The following CCSER1 variants were observed in gnomAD, a reference collection of about 807,000 sequenced individuals.
CCSER1 encodes coiled-coil serine rich protein 1, also known as serine-rich coiled-coil domain-containing protein 1.
In CCSER1, 41 loss-of-function variants were observed where a neutral mutation model predicts 82.0. The ratio of observed to expected loss-of-function variants is 0.50; its 90% CI spans 0.39 to 0.65. The LOEUF (loss-of-function observed/expected upper bound fraction) is 0.65, where lower values mean the gene tolerates loss of function less well. CCSER1 is among the 30% of genes least tolerant of loss of function. The probability of loss-of-function intolerance (pLI) is 0.00; values close to 1 mark genes in which losing one functional copy is unlikely to be tolerated. For synonymous variants in CCSER1, 414 were observed against 383.9 expected (o/e 1.08, Z -0.92); for missense variants, 1,119 against 1,064.2 (o/e 1.05, Z -0.72).
intron 10 of CCSER1, among the ~76,000 whole-genome samples, chr4:91,392,312 T>C (rs1751700522): frequency 1.3e-5 from 2 of 151,758 alleles, no homozygotes; most frequent in South Asian, 2.1e-4. Flanking sequence ...AACTCTTATA[T>C]TTTCTGGTGT....
intron 8 of CCSER1, among the ~76,000 whole-genome samples, chr4:90,916,052 A>T (rs1345295675): frequency 6.6e-6 from 1 of 152,030 alleles, no homozygotes; most frequent in African/African-American, 2.4e-5. Flanking sequence ...ATGCTCATGG[A>T]TAGGAAGAAT....
chr4:90,806,180 C>A (rs571075003), intron 7 of CCSER1, among the ~76,000 whole-genome samples: 1 of 152,236 alleles, frequency 6.6e-6, no homozygotes, highest in African/African-American at 2.4e-5. Context: ...AGCAAAAATT[C>A]ATTTGCAAAG....
chr4:90,306,673 G>T (rs1331467145), intron 1 of CCSER1, among the ~76,000 whole-genome samples: 2 of 152,110 alleles, frequency 1.3e-5, no homozygotes, highest in African/African-American at 4.8e-5. Flanking sequence ...TACTTGATCA[G>T]TTCTCATATT....
At chr4:90,229,410 A>C (rs1465925878) in intron 1 of CCSER1, among the ~76,000 whole-genome samples, 5 of 152,174 alleles carry the variant, frequency 3.3e-5, no homozygotes, top group Non-Finnish European at 4.4e-5. Context: ...CTTTACAGAC[A>C]AGCAAATGCT....
chr4:91,040,043 A>C (rs1390644845), intron 9 of CCSER1, among the ~76,000 whole-genome samples: 1 of 152,144 alleles, frequency 6.6e-6, no homozygotes, highest in Non-Finnish European at 1.5e-5. Context: ...AGCAGGTTGA[A>C]TTTATTAGAG....
intron 6 of CCSER1, chr4:90,649,426 T>A (rs1728307232): frequency 6.6e-6 from 1 of 152,124 alleles, no homozygotes; most frequent in East Asian, 1.9e-4. Context: ...GAGGATGTAA[T>A]AAAGGTTAAA....
At chr4:90,314,932 T>C (rs1735920722) in intron 3 of CCSER1, among the ~76,000 whole-genome samples, 1 of 140,042 alleles carries the variant, frequency 7.1e-6, no homozygotes, top group Admixed American at 7.6e-5. Flanking sequence ...CTGCAACCTC[T>C]ACCTCCCCAG....
intron 5 of CCSER1, among the ~76,000 whole-genome samples, chr4:90,532,741 AG>A (rs1203357837): frequency 2.0e-5 from 3 of 152,212 alleles, no homozygotes; most frequent in African/African-American, 7.2e-5. Context: ...TTACATTTAA[AG>A]GAAATTAGTT....
chr4:90,689,152 A>T (rs998662617), intron 6 of CCSER1, among the ~76,000 whole-genome samples: 11 of 152,160 alleles, frequency 7.2e-5, no homozygotes, highest in African/African-American at 2.7e-4. Context: ...ATGATTTATG[A>T]GTTCAAACTT....
At chr4:91,198,633 G>A (rs1211428096) in intron 10 of CCSER1, among the ~76,000 whole-genome samples, 6 of 152,038 alleles carry the variant, frequency 3.9e-5, no homozygotes, top group Admixed American at 2.6e-4. Context: ...CCATAGGGAT[G>A]AAAAAAGAAA....
At position 91,600,278 on chromosome 4, in the gene CCSER1, G is replaced by A. The variant is rs1256670175; in HGVS notation, c.*1221G>A. 6.6e-6 allele frequency: 1 copy of A among 152,024 alleles called. No homozygotes were observed. The highest frequency in any genetic ancestry group is 1.5e-5 in the Non-Finnish European group (1 of 67,984). The allele number at this position is 152,024 out of a possible 1,614,324, so 9.4% of individuals were successfully genotyped here. A position where few individuals can be genotyped will look rare whatever the true frequency, so the allele number is the denominator to read the frequency against. On this transcript the variant is annotated 3_prime_UTR_variant, in exon 11 of 11. Coordinates refer to ENST00000509176, the MANE Select transcript of CCSER1 (RefSeq NM_001145065.2). ...TAGATCAATATATGAATTGATCTAT[G>A]GATAATTCCATCATGTTCAATTAGT...
chr4:91,174,541 C>T (rs916598990), intron 10 of CCSER1, among the ~76,000 whole-genome samples: 12 of 152,020 alleles, frequency 7.9e-5, no homozygotes, highest in Non-Finnish European at 4.4e-5. Context: ...CTTTGCTGCA[C>T]CCATCAACCC....
intron 10 of CCSER1, among the ~76,000 whole-genome samples, chr4:91,260,169 A>G (rs917472913): frequency 1.3e-5 from 2 of 152,196 alleles, no homozygotes; most frequent in African/African-American, 4.8e-5. Flanking sequence ...AATTTTAATT[A>G]CCTTGGTGAG....
chr4:91,266,620 A>G lies in CCSER1; in HGVS notation c.2217+180626A>G, dbSNP rs189746477. Among the ~76,000 whole-genome samples, 259 of 152,306 alleles carry G rather than the reference A, an allele frequency of 1.7e-3. 2 individuals carry two copies. Among genetic ancestry groups the G allele is most frequent in the African/African-American group, 5.8e-3 (241 of 41,582 alleles). On this transcript the variant is annotated intron_variant, in intron 10 of 10. Transcript: ENST00000509176. ...AGAAAGAGGAAGAGAGGCAGAAGAC[A>G]CTAACTCAAAGAAAAGGGCTTGGTC...
At chr4:91,380,084 T>C (rs377726508) in intron 10 of CCSER1, among the ~76,000 whole-genome samples, 1 of 152,222 alleles carries the variant, frequency 6.6e-6, no homozygotes, top group African/African-American at 2.4e-5. Flanking sequence ...TCCTGAGTTC[T>C]AGTTTGATTG....
intron 1 of CCSER1, among the ~76,000 whole-genome samples, chr4:90,271,829 TA>T (rs1726348959): frequency 2.3e-4 from 4 of 17,342 alleles, no homozygotes; most frequent in Non-Finnish European, 3.9e-4. Context: ...GGACAATTTA[TA>T]TATATATATA....
chr4:90,405,929 G>A (rs1753644436), intron 4 of CCSER1, among the ~76,000 whole-genome samples: 1 of 151,518 alleles, frequency 6.6e-6, no homozygotes, highest in Non-Finnish European at 1.5e-5. Context: ...AAATCTCACT[G>A]AACCTATATA....
chr4:90,284,652 C>A (rs938157539), intron 1 of CCSER1, among the ~76,000 whole-genome samples: 2 of 151,548 alleles, frequency 1.3e-5, no homozygotes, highest in Non-Finnish European at 1.5e-5. Flanking sequence ...TGCCACCATG[C>A]CTGCCTAATT....
chr4:90,545,640 A>AT (rs1560695328), intron 5 of CCSER1, among the ~76,000 whole-genome samples: 1 of 151,980 alleles, frequency 6.6e-6, no homozygotes, highest in Non-Finnish European at 1.5e-5. Flanking sequence ...CCCCTCCCAA[A>AT]TTCACTTTCC....
Sources: gnomAD v4.1 joint callset for allele counts (sites outside exome capture counted in the v4.1 genomes callset) on GRCh38, gnomAD v4.1.1 for gene constraint, MANE v1.5 for transcripts, NCBI Gene and HGNC (gene_info 2026-07-23, HGNC 2026-07-21) for gene names.